TRIM44: variants seen among roughly 807,000 people sequenced by gnomAD.
The protein encoded by TRIM44 is tripartite motif-containing protein 44.
TRIM44 carries 13 observed loss-of-function variants against 37.4 expected under a neutral mutation model. That is an observed-to-expected ratio of 0.35 (90% CI 0.23 to 0.55). The LOEUF (loss-of-function observed/expected upper bound fraction) is 0.55. Ranked by LOEUF, TRIM44 falls within the 20% of genes least tolerant of loss-of-function variation. The pLI, the probability that TRIM44 is intolerant of heterozygous loss-of-function variation, is 0.89. For synonymous variants in TRIM44, 175 were observed against 157.2 expected (o/e 1.11, Z -0.85); for missense variants, 426 against 437.2 (o/e 0.97, Z 0.23).
intron 2 of TRIM44, among the ~76,000 whole-genome samples, chr11:35,688,986 A>C (rs1446526400): frequency 6.6e-6 from 1 of 152,224 alleles, no homozygotes; most frequent in Non-Finnish European, 1.5e-5. Context: ...CTTTGGAAAA[A>C]AGGTAGATAA....
chr11:35,757,991 G>A (rs1852670022), intron 4 of TRIM44, among the ~76,000 whole-genome samples: 1 of 152,198 alleles, frequency 6.6e-6, no homozygotes, highest in South Asian at 2.1e-4. Context: ...TTGGGGTGGA[G>A]AGTTCTGTAG....
intron 4 of TRIM44, among the ~76,000 whole-genome samples, chr11:35,790,706 A>G (rs112362446): frequency 1.3e-5 from 2 of 152,002 alleles, no homozygotes; most frequent in African/African-American, 4.8e-5. Context: ...ACATCAAGCA[A>G]CCCTCCTCCC....
intron 1 of TRIM44, among the ~76,000 whole-genome samples, chr11:35,684,166 T>G (rs1392984547): frequency 6.6e-6 from 1 of 152,160 alleles, no homozygotes; most frequent in Non-Finnish European, 1.5e-5. Flanking sequence ...AATATAGTAG[T>G]CACTAGTCAC....
At chr11:35,774,284 C>T (rs1042889468) in intron 4 of TRIM44, among the ~76,000 whole-genome samples, 1 of 152,148 alleles carries the variant, frequency 6.6e-6, no homozygotes, top group African/African-American at 2.4e-5. Flanking sequence ...TGAAAAGTGT[C>T]TGTCATATCC....
intron 4 of TRIM44, among the ~76,000 whole-genome samples, chr11:35,758,588 C>T (rs1221857046): frequency 6.6e-6 from 1 of 152,100 alleles, no homozygotes; most frequent in Non-Finnish European, 1.5e-5. Flanking sequence ...CAGTTTCTTC[C>T]CAGCCTCAAT....
At chr11:35,741,357 A>G (rs986711176) in intron 4 of TRIM44, among the ~76,000 whole-genome samples, 4 of 152,204 alleles carry the variant, frequency 2.6e-5, no homozygotes, top group Non-Finnish European at 4.4e-5. Context: ...TACCCAAAGC[A>G]TACCTCCTTG....
chr11:35,743,324 A>G (rs1344135001), intron 4 of TRIM44, among the ~76,000 whole-genome samples: 1 of 152,136 alleles, frequency 6.6e-6, no homozygotes, highest in African/African-American at 2.4e-5. Flanking sequence ...GTTACGCTTT[A>G]CCTCTTGACT....
intron 4 of TRIM44, among the ~76,000 whole-genome samples, chr11:35,742,679 TATATAATTATATTAA>T (rs1415168436): frequency 6.6e-5 from 9 of 135,688 alleles, no homozygotes; most frequent in East Asian, 4.0e-4. Flanking sequence ...AATTGTATTA[TATATAATTATATTAA>T]ATATAATTAT....
intron 4 of TRIM44, among the ~76,000 whole-genome samples, chr11:35,752,899 G>A (rs553851921): frequency 1.9e-4 from 29 of 152,318 alleles, no homozygotes; most frequent in South Asian, 6.2e-4. Context: ...CTGCATGAAA[G>A]TGTATTATAT....
chr11:35,784,008 A>C (rs1030096321), intron 4 of TRIM44, among the ~76,000 whole-genome samples: 1 of 152,194 alleles, frequency 6.6e-6, no homozygotes, highest in Non-Finnish European at 1.5e-5. Context: ...GTGGCCTTCA[A>C]TGTTGAGGGT....
rs1391236610 is a variant in TRIM44 at position 35,805,222 on chromosome 11, G to A, written c.1008-1136G>A. 3.9e-5 allele frequency among the ~76,000 whole-genome samples: 6 copies of A among 152,282 alleles called. 1 individual carries two copies. The highest frequency in any genetic ancestry group is 1.4e-4 in the African/African-American group (6 of 41,548). ...AGCCCCTACATAATAGGAAGAATGG[G>A]TGAGTAACACGTAATTCAGTGCCCC... On this transcript the variant is annotated intron_variant, in intron 4 of 4. Transcript: ENST00000299413.
intron 2 of TRIM44, among the ~76,000 whole-genome samples, chr11:35,723,508 TAAAGG>T (rs1358882129): frequency 2.6e-5 from 4 of 152,204 alleles, no homozygotes. Flanking sequence ...GAAAAAGGCA[TAAAGG>T]TTTTGTAAAG....
rs1853524778 is a variant in TRIM44, at chr11:35,811,244, A to C, written c.*4859A>C. 2 of 152,152 alleles carry C rather than the reference A, an allele frequency of 1.3e-5. No individual in the cohort carries two copies. The highest frequency in any genetic ancestry group is 3.2e-3 in the Middle Eastern group (1 of 316). The allele number at this position is 152,152 out of a possible 1,614,324, so 9.4% of individuals were successfully genotyped here. A position where few individuals can be genotyped will look rare whatever the true frequency, so the allele number is the denominator to read the frequency against. ...GAAGTGGCAAAAGAACAGACTTAAG[A>C]TCATTATTATTTAGTGATAAGTTTT... is the stretch of plus-strand genomic sequence containing the variant. On this transcript the variant is annotated 3_prime_UTR_variant, in exon 5 of 5. Coordinates refer to ENST00000299413, the MANE Select transcript of TRIM44 (RefSeq NM_017583.6).
chr11:35,749,103 G>GT (rs1342662165), intron 4 of TRIM44, among the ~76,000 whole-genome samples: 1 of 152,160 alleles, frequency 6.6e-6, no homozygotes, highest in Admixed American at 6.5e-5. Context: ...CTCAGTTGGA[G>GT]GAGAAACATG....
chr11:35,722,200 A>G (rs1000291487), intron 2 of TRIM44, among the ~76,000 whole-genome samples: 1 of 152,154 alleles, frequency 6.6e-6, no homozygotes, highest in African/African-American at 2.4e-5. Flanking sequence ...GGAAGTGAAA[A>G]TGGACTTTTT....
chr11:35,692,373 T>C (rs1371665799), intron 2 of TRIM44, among the ~76,000 whole-genome samples: 1 of 152,158 alleles, frequency 6.6e-6, no homozygotes, highest in Non-Finnish European at 1.5e-5. Flanking sequence ...TTATGGTTCT[T>C]TGTCTTTTGT....
chr11:35,726,226 G>T (rs1161040112), intron 3 of TRIM44, 63 bp downstream of exon 3: 29 of 1,588,602 alleles, frequency 1.8e-5, no homozygotes, highest in Non-Finnish European at 2.3e-5. Context: ...TGCCATATTT[G>T]TTAGACCCCA....
rs962514351 is a variant in TRIM44 at position 35,662,898 on chromosome 11, G to A, written c.-214G>A. On this transcript the variant is annotated 5_prime_UTR_variant, in exon 1 of 5. Transcript: ENST00000299413. The stretch of plus-strand genomic sequence containing the variant: ...GCGCGGCAGAGGAAGCGCAGGGACA[G>A]AGCGGAGCAGGCCGAGCCGGCGGAA... 1.3e-6 allele frequency: 1 copy of A among 744,286 alleles called. No homozygotes were observed. The highest frequency in any genetic ancestry group is 3.9e-5 in the Admixed American group (1 of 25,348). The allele number at this position is 744,286 out of a possible 1,614,324, so 46.1% of individuals were successfully genotyped here.
chr11:35,815,822 C>T lies in TRIM44; in HGVS notation c.*9437C>T, dbSNP rs1282503685. ...GGTCTGTCTTTTGCCATTTCTGGGA[C>T]AATGAGAAAATCCATCTGGAGTGTT... On this transcript the variant is annotated 3_prime_UTR_variant, in exon 5 of 5. Coordinates refer to ENST00000299413, the MANE Select transcript of TRIM44 (RefSeq NM_017583.6). The T allele has an allele frequency of 6.6e-6, 1 of 152,182 alleles. No individual in the cohort carries two copies. The highest frequency in any genetic ancestry group is 2.4e-5 in the African/African-American group (1 of 41,454). 9.4% of individuals were successfully genotyped at this position (152,182 alleles called of 1,614,324 possible). A position where few individuals can be genotyped will look rare whatever the true frequency, so the allele number is the denominator to read the frequency against.
Sources: gnomAD v4.1 joint callset for allele counts (sites outside exome capture counted in the v4.1 genomes callset) on GRCh38, gnomAD v4.1.1 for gene constraint, MANE v1.5 for transcripts, NCBI Gene and HGNC (gene_info 2026-07-23, HGNC 2026-07-21) for gene names.